DDX21: variants seen among roughly 807,000 people sequenced by gnomAD.
DDX21 encodes the protein DExD-box helicase 21.
A neutral mutation model predicts 90.0 loss-of-function variants in DDX21; 18 were observed. The ratio of observed to expected loss-of-function variants is 0.20; its 90% CI spans 0.14 to 0.30. The LOEUF (loss-of-function observed/expected upper bound fraction) is 0.30, where lower values mean the gene tolerates loss of function less well. Among genes scored for constraint, DDX21 ranks in the 10% least tolerant of loss-of-function variants. The pLI, the probability that DDX21 is intolerant of heterozygous loss-of-function variation, is 1.00. For synonymous variants in DDX21, 294 were observed against 318.0 expected (o/e 0.92, Z 0.80); for missense variants, 673 against 944.5 (o/e 0.71, Z 3.77).
In DDX21 at chr10:68,977,569, A is replaced by G. The variant is rs534955634; in HGVS notation, c.1783A>G (p.Lys595Glu). Residue 595 changes from lysine to glutamate, a missense_variant, in exon 12 of 15, where the codon AAA becomes GAA. Physicochemically the swap from Lys to Glu is moderately conservative, Grantham distance 56. Around this residue, in one of 4 missense-constraint regions of DDX21, gnomAD observed 225 missense variants for 298.8 expected, o/e 0.75. Transcript: ENST00000354185. ...SVPPTAISHF[K>E]QSAEKLIEEK... ...GCCTCCCACTGCCATTAGTCACTTC[A>G]AACAATCAGCTGAGAAGCTGATAGA... 1.9e-6 allele frequency: 3 copies of G among 1,613,298 alleles called. No homozygotes were observed. The highest frequency in any genetic ancestry group is 2.2e-5 in the South Asian group (2 of 91,028).
chr10:68,966,931 A>T, intron 5 of DDX21, 87 bp from the exon 6 acceptor site: 1 of 1,079,480 alleles, frequency 9.3e-7, no homozygotes, highest in Non-Finnish European at 1.3e-6. Flanking sequence ...CAAATATTTT[A>T]GAGTAACAAT....
At chr10:68,964,167 A>G (rs553350074) in intron 4 of DDX21, 2 of 410,822 alleles carry the variant, frequency 4.9e-6, no homozygotes, top group African/African-American at 4.3e-5. Flanking sequence ...GAAAACGCCA[A>G]GCCCCCATAT....
rs903640390 is a variant in DDX21 at position 68,985,014 on chromosome 10, A to G, written c.*2202A>G. 6.6e-5 allele frequency: 10 copies of G among 152,200 alleles called. No individual in the cohort carries two copies. Among genetic ancestry groups the G allele is most frequent in the Non-Finnish European group, 1.2e-4 (8 of 68,028 alleles). 9.4% of individuals were successfully genotyped at this position (152,200 alleles called of 1,614,324 possible). A position where few individuals can be genotyped will look rare whatever the true frequency, so the allele number is the denominator to read the frequency against. On this transcript the variant is annotated 3_prime_UTR_variant, in exon 15 of 15. Transcript: ENST00000354185. ...TGTGCATAAATGTTTTTACTATAAA[A>G]TGAGCTAATGTATAAAATACTGCTG... is the stretch of plus-strand genomic sequence containing the variant.
In DDX21 at chr10:68,981,571, C is replaced by T; in HGVS notation, c.2072C>T (p.Thr691Ile). The T allele has an allele frequency of 6.2e-7, 1 of 1,611,756 alleles. No individual in the cohort carries two copies. The highest frequency in any genetic ancestry group is 8.5e-7 in the Non-Finnish European group (1 of 1,178,978). The change falls in exon 14 of 15, where the codon ACA (threonine) becomes ATA (isoleucine). Residue 691 changes from threonine to isoleucine, a missense_variant. Around this residue, in one of 4 missense-constraint regions of DDX21, gnomAD observed 225 missense variants for 298.8 expected, o/e 0.75. Coordinates refer to ENST00000354185, the MANE Select transcript of DDX21 (RefSeq NM_004728.4). Reference protein sequence around the residue: ...VCFDVPTASVTEIQEKWHDSR... With the variant: ...VCFDVPTASVIEIQEKWHDSR... ...TTTGATGTACCTACCGCATCAGTAA[C>T]AGAAATACAGGTATTCTTTTCCCTT...
chr10:68,969,826 A>G (rs1205917506), intron 7 of DDX21, among the ~76,000 whole-genome samples: 1 of 152,250 alleles, frequency 6.6e-6, no homozygotes, highest in African/African-American at 2.4e-5. Flanking sequence ...AATCTACTAC[A>G]GATTGGGTTT....
chr10:68,965,234 C>CA, intron 4 of DDX21, 143 bp from the exon 5 acceptor site: 1 of 579,022 alleles, frequency 1.7e-6, no homozygotes, highest in South Asian at 2.2e-5. Flanking sequence ...ATCTATTAGA[C>CA]AAAAATATTA....
At chr10:68,958,101 A>G (rs1842824544) in intron 1 of DDX21, among the ~76,000 whole-genome samples, 1 of 152,126 alleles carries the variant, frequency 6.6e-6, no homozygotes, top group Non-Finnish European at 1.5e-5. Flanking sequence ...TTTGTTTCAT[A>G]AAGTGTCTCT....
intron 11 of DDX21, 97 bp downstream of exon 11, chr10:68,974,840 TTTA>T: frequency 1.0e-6 from 1 of 989,400 alleles, no homozygotes; most frequent in Non-Finnish European, 1.5e-6. Flanking sequence ...AAATTTTTTT[TTTA>T]AAATTTTTGA....
At chr10:68,981,666 A>G in intron 14 of DDX21, 85 bp downstream of exon 14, 1 of 1,193,886 alleles carries the variant, frequency 8.4e-7, no homozygotes, top group Non-Finnish European at 1.2e-6. Context: ...AGATTGGGAA[A>G]CAATAGTTCT....
chr10:68,969,176 CTGTT>C, intron 7 of DDX21, 55 bp downstream of exon 7: 1 of 1,519,504 alleles, frequency 6.6e-7, no homozygotes, highest in Non-Finnish European at 8.9e-7. Context: ...TTTTTCTTGT[CTGTT>C]AGTATTAAGA....
In DDX21 at chr10:68,982,717, G is replaced by A; in HGVS notation, c.2257G>A (p.Gly753Ser). 1 of 1,614,082 alleles carries A rather than the reference G, an allele frequency of 6.2e-7. No individual in the cohort carries two copies. The highest frequency in any genetic ancestry group is 2.2e-5 in the East Asian group (1 of 44,884). ...CAGAGGACAGCGGGAAGGCAGTAGAGGCCCGAGAGGACAGCGATCAGGAGG... is the reference window on the plus strand; with the variant it reads ...CAGAGGACAGCGGGAAGGCAGTAGAAGCCCGAGAGGACAGCGATCAGGAGG... Reference protein sequence around the residue: ...RFRGQREGSRGPRGQRSGGGN... With the variant: ...RFRGQREGSRSPRGQRSGGGN... The change falls in exon 15 of 15, where the codon GGC becomes AGC. Residue 753 changes from glycine (G) to serine (S), a missense_variant. This residue lies in a region of DDX21 where 225 missense variants were observed against 298.8 expected (regional missense o/e 0.75). Transcript: ENST00000354185.
chr10:68,959,516 C>G (rs1842845213), intron 1 of DDX21, among the ~76,000 whole-genome samples: 5 of 152,092 alleles, frequency 3.3e-5, no homozygotes, highest in Admixed American at 3.3e-4. Context: ...TGTTTTACAA[C>G]TGTTTGACCC....
intron 9 of DDX21, 103 bp from the exon 10 acceptor site, chr10:68,973,442 G>T: frequency 6.9e-7 from 1 of 1,455,774 alleles, no homozygotes; most frequent in South Asian, 1.2e-5. Flanking sequence ...CATGTCCCCA[G>T]GTTTATAACC....
rs766890848 is a variant in DDX21 at position 68,977,659 on chromosome 10, G to A, written c.1873G>A (p.Asp625Asn). 5 of 1,613,038 alleles carry A rather than the reference G, an allele frequency of 3.1e-6. No individual in the cohort carries two copies. The South Asian group carries it at 5.5e-5, about 18-fold the overall frequency. The change falls in exon 12 of 15, where the codon GAC becomes AAC. Residue 625 changes from aspartate (D) to asparagine (N), a missense_variant. Coordinates refer to ENST00000354185, the MANE Select transcript of DDX21 (RefSeq NM_004728.4). ...LAHISGATSV[D>N]QRSLINSNVG... ...CCATATTTCAGGTGCCACGTCCGTA[G>A]ACCAGCGCTCCTTGATCAACTCAAA... is the stretch of plus-strand genomic sequence containing the variant.
intron 5 of DDX21, 149 bp from the exon 6 acceptor site, chr10:68,966,869 G>A (rs1479207542): frequency 2.1e-5 from 11 of 532,856 alleles, no homozygotes; most frequent in Non-Finnish European, 3.0e-5. Flanking sequence ...AGTGCCATGA[G>A]TATCTTTATC....
chr10:68,960,240 G>C lies in DDX21; in HGVS notation c.522G>C (p.Glu174Asp), dbSNP rs1332049187. The C allele has an allele frequency of 1.3e-6, 2 of 1,597,788 alleles. No individual in the cohort carries two copies. Among genetic ancestry groups the C allele is most frequent in the Non-Finnish European group, 1.7e-6 (2 of 1,175,818 alleles). The change falls in exon 2 of 15, where the codon GAG becomes GAC. Residue 174 changes from glutamate (E) to aspartate (D), a missense_variant. Glu to Asp is a conservative substitution (Grantham distance 45, BLOSUM62 2). Around this residue, in one of 4 missense-constraint regions of DDX21, gnomAD observed 204 missense variants for 221.6 expected, o/e 0.92. Coordinates refer to ENST00000354185, the MANE Select transcript of DDX21 (RefSeq NM_004728.4). ...CTGCCAGTGAAGAAAGTAACAGTGA[G>C]ATAGAGCAGGTACATTTGCACTTCA... Reference protein sequence around the residue: ...SEAASEESNSEIEQEIPVEQK... With the variant: ...SEAASEESNSDIEQEIPVEQK...
chr10:68,957,502 A>G (rs188430396), intron 1 of DDX21, among the ~76,000 whole-genome samples: 19 of 152,304 alleles, frequency 1.2e-4, no homozygotes, highest in Admixed American at 1.1e-3. Context: ...GTCTTTTGAT[A>G]TGGAGTTCTT....
Position 68,960,207 on chromosome 10 carries a change from C to T in DDX21, c.489C>T (p.Pro163=). 1 of 1,608,336 alleles carries T rather than the reference C, an allele frequency of 6.2e-7. No homozygotes were observed. The highest frequency in any genetic ancestry group is 2.2e-5 in the East Asian group (1 of 44,858). The change falls in exon 2 of 15, where the codon CCC becomes CCT. Residue 163 remains proline (P), a synonymous_variant. Coordinates refer to ENST00000354185, the MANE Select transcript of DDX21 (RefSeq NM_004728.4). ...CTCATCCTGAACCGGACTGTAACCC[C>T]AGTGAAGCTGCCAGTGAAGAAAGTA... ...GFPHPEPDCN[P]SEAASEESNS...
At position 68,984,874 on chromosome 10, in the gene DDX21, G is replaced by A. The variant is rs1292333198; in HGVS notation, c.*2062G>A. ...GTATAATGTATTTAGCTACTTTTTGGTTTAAATGAACTTGTTGGGTTAGCT... is the reference window on the plus strand; with the variant it reads ...GTATAATGTATTTAGCTACTTTTTGATTTAAATGAACTTGTTGGGTTAGCT... On this transcript the variant is annotated 3_prime_UTR_variant, in exon 15 of 15. Transcript: ENST00000354185. 1 of 152,042 alleles carries A rather than the reference G, an allele frequency of 6.6e-6. No individual in the cohort carries two copies. Among genetic ancestry groups the A allele is most frequent in the Non-Finnish European group, 1.5e-5 (1 of 68,008 alleles). 9.4% of individuals were successfully genotyped at this position (152,042 alleles called of 1,614,324 possible). A position where few individuals can be genotyped will look rare whatever the true frequency, so the allele number is the denominator to read the frequency against.
Sources: gnomAD v4.1 joint callset for allele counts (sites outside exome capture counted in the v4.1 genomes callset) on GRCh38, gnomAD v4.1.1 for gene constraint, gnomAD v4.1.1 regional missense constraint, MANE v1.5 for transcripts, NCBI Gene and HGNC (gene_info 2026-07-23, HGNC 2026-07-21) for gene names.